The following NUP133 variants were observed in gnomAD, a reference collection of about 807,000 sequenced individuals.
The protein encoded by NUP133 is nuclear pore complex protein Nup133.
In NUP133, 66 loss-of-function variants were observed where a neutral mutation model predicts 146.2. The observed-to-expected ratio is 0.45, with a 90% CI of 0.37 to 0.55. NUP133 has a LOEUF of 0.55. Ranked by LOEUF, NUP133 falls within the 20% of genes least tolerant of loss-of-function variation. NUP133 has a pLI of 0.00. For missense variants in NUP133, 1,277 were observed against 1,374.8 expected (o/e 0.93, Z 1.12); for synonymous variants, 521 against 498.8 (o/e 1.04, Z -0.59).
At chr1:229,461,472 G>A (rs1025099313) in intron 19 of NUP133, among the ~76,000 whole-genome samples, 3 of 152,208 alleles carry the variant, frequency 2.0e-5, no homozygotes, top group African/African-American at 7.2e-5. Flanking sequence ...AGCTGAGACC[G>A]AGTCCTGGGC....
intron 14 of NUP133, 125 bp from the exon 15 acceptor site, chr1:229,470,929 T>A: frequency 1.4e-6 from 1 of 718,728 alleles, no homozygotes; most frequent in Non-Finnish European, 2.3e-6. Flanking sequence ...AGCAAGTCCC[T>A]CCAGCTGTCT....
At chr1:229,443,713 C>T (rs763014529) in intron 25 of NUP133, among the ~76,000 whole-genome samples, 1 of 149,290 alleles carries the variant, frequency 6.7e-6, no homozygotes, top group Non-Finnish European at 1.5e-5. Context: ...ATAATACACA[C>T]ACATATATAA....
rs79862260 is a variant in NUP133, at chr1:229,444,476, T to C, written c.3334+438A>G. Among the ~76,000 whole-genome samples the C allele has an allele frequency of 9.1e-3, 1,379 of 152,334 alleles. 20 individuals are homozygous for C. The highest frequency in any genetic ancestry group is 0.031 in the African/African-American group (1,303 of 41,562). ...TAAATATTAGTGCTAGATACTTAATTAGACACAATTCAGTCTGTGGCATTT... is the reference window on the plus strand; with the variant it reads ...TAAATATTAGTGCTAGATACTTAATCAGACACAATTCAGTCTGTGGCATTT... On this transcript the variant is annotated intron_variant, in intron 25 of 25. Coordinates refer to ENST00000261396, the MANE Select transcript of NUP133 (RefSeq NM_018230.3).
chr1:229,445,586 T>TG (rs1161809765), intron 24 of NUP133, among the ~76,000 whole-genome samples: 20 of 152,370 alleles, frequency 1.3e-4, no homozygotes, highest in Non-Finnish European at 8.8e-5. Flanking sequence ...CCCAAAGTGC[T>TG]GGGATTGCAG....
chr1:229,481,698 C>CAA (rs35036625), intron 12 of NUP133, among the ~76,000 whole-genome samples: 202 of 101,778 alleles, frequency 2.0e-3, no homozygotes, highest in Middle Eastern at 0.011. Flanking sequence ...GACTCTGTCT[C>CAA]AAAAAAAAAA....
chr1:229,468,504 G>C (rs768340690), intron 15 of NUP133, among the ~76,000 whole-genome samples: 1 of 152,042 alleles, frequency 6.6e-6, no homozygotes, highest in Non-Finnish European at 1.5e-5. Context: ...TTTTTCATAT[G>C]GAACATTCTT....
intron 17 of NUP133, 37 bp downstream of exon 17, chr1:229,465,383 T>C: frequency 6.8e-7 from 1 of 1,465,026 alleles, no homozygotes; most frequent in Non-Finnish European, 9.5e-7. Flanking sequence ...TCATTAGAAA[T>C]ATATTTTGAA....
rs530092609 is a variant in NUP133, at chr1:229,462,174, T to C, written c.2685+1369A>G. Reference sequence around the variant, plus strand: ...GCTGGGATTACAGGCGTGAGCCACCTTGCCCAGCCCAACAACTGATCTTTG... The same window carrying C: ...GCTGGGATTACAGGCGTGAGCCACCCTGCCCAGCCCAACAACTGATCTTTG... On this transcript the variant is annotated intron_variant, in intron 19 of 25. Coordinates refer to ENST00000261396, the MANE Select transcript of NUP133 (RefSeq NM_018230.3). Among the ~76,000 whole-genome samples the C allele has an allele frequency of 3.3e-5, 5 of 152,206 alleles. No homozygotes were observed. In the South Asian group the frequency reaches 8.3e-4, roughly 25 times the overall value.
chr1:229,477,871 C>A, intron 12 of NUP133, 111 bp from the exon 13 acceptor site: 1 of 750,214 alleles, frequency 1.3e-6, no homozygotes, highest in Non-Finnish European at 2.1e-6. Flanking sequence ...GAATGCGATC[C>A]TGTCATTCGC....
In NUP133 at chr1:229,470,690, G is replaced by T; in HGVS notation, c.1966C>A (p.His656Asn). Residue 656 changes from histidine (H) to asparagine (N), a missense_variant, in exon 15 of 26, where the codon CAC becomes AAC. By Grantham distance (68) the His-to-Asn change is moderately conservative. This residue lies in a region of NUP133 where 952 missense variants were observed against 1,047.0 expected (regional missense o/e 0.91). Transcript: ENST00000261396. ...ACAAGGTCAGAAAGCCGGGAGTGGT[G>T]GTTCTTGAGAACAATGGCGGCTGAC... ...KLSAAIVLKN[H>N]HSRLSDLVNT... The T allele has an allele frequency of 6.2e-7, 1 of 1,614,190 alleles. No homozygotes were observed. The highest frequency in any genetic ancestry group is 8.5e-7 in the Non-Finnish European group (1 of 1,180,028).
chr1:229,465,558 G>T, intron 16 of NUP133, 39 bp from the exon 17 acceptor site: 1 of 1,375,642 alleles, frequency 7.3e-7, no homozygotes, highest in South Asian at 1.2e-5. Context: ...TGCAAAAGGT[G>T]ATGGATCACA....
rs542355081 is a variant in NUP133, at chr1:229,481,459, A to G, written c.1592+2595T>C. 3.2e-4 allele frequency among the ~76,000 whole-genome samples: 48 copies of G among 152,312 alleles called. 1 individual carries two copies. The highest frequency in any genetic ancestry group is 1.1e-3 in the African/African-American group (45 of 41,580). On this transcript the variant is annotated intron_variant, in intron 12 of 25. Transcript: ENST00000261396. ...CATGGTGGCTCACACCTGTAATCCC[A>G]GCACTCTGGGAGGCTGTGGTGGGTG...
rs1414048996 is a variant in NUP133, at chr1:229,449,025, C to T, written c.3245+101G>A. Reference sequence around the variant, plus strand: ...GTGTAGGAGGTGGGAAATCCCAACACGTCTGGTCACAGAAGTCTTCTGTTA... The same window carrying T: ...GTGTAGGAGGTGGGAAATCCCAACATGTCTGGTCACAGAAGTCTTCTGTTA... On this transcript the variant is annotated intron_variant, in intron 24 of 25. Transcript: ENST00000261396. The T allele has an allele frequency of 5.3e-5, 47 of 884,688 alleles. No individual in the cohort carries two copies. The East Asian group carries it at 6.0e-4, about 11-fold the overall frequency. The allele number at this position is 884,688 out of a possible 1,614,324, so 54.8% of individuals were successfully genotyped here.
chr1:229,450,317 G>A (rs1196730030), intron 23 of NUP133, among the ~76,000 whole-genome samples: 1 of 152,188 alleles, frequency 6.6e-6, no homozygotes, highest in African/African-American at 2.4e-5. Context: ...AAGATACCCA[G>A]GAATGTGTGA....
chr1:229,487,938 G>A (rs968147961), intron 9 of NUP133, among the ~76,000 whole-genome samples: 2 of 148,890 alleles, frequency 1.3e-5, no homozygotes, highest in Non-Finnish European at 3.0e-5. Flanking sequence ...CTGCTTCCCA[G>A]GCTCAAACAA....
At chr1:229,464,050 CAGG>C (rs1660755746) in intron 18 of NUP133, among the ~76,000 whole-genome samples, 2 of 152,048 alleles carry the variant, frequency 1.3e-5, no homozygotes, top group Non-Finnish European at 1.5e-5. Context: ...GAGGCTGAGG[CAGG>C]AGAATTGTTT....
Position 229,470,775 on chromosome 1 carries a change from A to G in NUP133, c.1881T>C (p.Phe627=). The G allele has an allele frequency of 6.2e-7, 1 of 1,614,142 alleles. No homozygotes were observed. The highest frequency in any genetic ancestry group is 8.5e-7 in the Non-Finnish European group (1 of 1,180,036). Residue 627 remains phenylalanine, a synonymous_variant, in exon 15 of 26, where the codon TTT becomes TTC. Transcript: ENST00000261396. ...QVGLFGRLGS[F]PVRGTPMATR... ...TGGCCATCGGTGTCCCTCTAACTGG[A>G]AAACTGCCTAGACGTCCAAATAAGC...
intron 8 of NUP133, among the ~76,000 whole-genome samples, chr1:229,493,649 T>C (rs189912291): frequency 5.7e-4 from 87 of 152,008 alleles, no homozygotes; most frequent in Non-Finnish European, 1.1e-3. Context: ...CATAATAGAG[T>C]ACTAACTGGA....
chr1:229,463,575 G>A lies in NUP133; in HGVS notation c.2653C>T (p.Leu885Phe). The A allele has an allele frequency of 6.2e-7, 1 of 1,614,074 alleles. No homozygotes were observed. The highest frequency in any genetic ancestry group is 8.5e-7 in the Non-Finnish European group (1 of 1,180,010). ...GCAAACTGGGTCATGTAGCGCTGGA[G>A]TCGGCTCTGGTTGTCAGTCTGCTCA... ...MCEQTDNQSR[L>F]QRYMTQFADQ... The change falls in exon 19 of 26, where the codon CTC (leucine) becomes TTC (phenylalanine). Residue 885 changes from leucine (L) to phenylalanine (F), a missense_variant. Coordinates refer to ENST00000261396, the MANE Select transcript of NUP133 (RefSeq NM_018230.3).
Sources: allele counts gnomAD v4.1 joint callset (sites outside exome capture counted in the v4.1 genomes callset), GRCh38; gene constraint gnomAD v4.1.1; regional missense constraint gnomAD v4.1.1; transcripts MANE v1.5; gene names NCBI Gene and HGNC (gene_info 2026-07-23, HGNC 2026-07-21).